Variants in ADGRD1 observed in about 807,000 individuals in gnomAD.
The protein encoded by ADGRD1 is adhesion G protein-coupled receptor D1.
Under a neutral mutation model 113.4 loss-of-function variants are expected in ADGRD1, and 77 were observed. That is an observed-to-expected ratio of 0.68 (90% CI 0.57 to 0.82). The LOEUF is 0.82. ADGRD1 is among the 40% of genes least tolerant of loss of function. The pLI is 0.00. For synonymous variants in ADGRD1, 474 were observed against 475.0 expected, an observed-to-expected ratio of 1.00 and a Z score of 0.03; for missense variants, 1,036 against 1,139.1, an observed-to-expected ratio of 0.91 and a Z score of 1.30.
rs1264053839 is a variant in ADGRD1, at chr12:131,139,423, G to A, written c.*160G>A. The A allele has an allele frequency of 6.5e-6, 4 of 618,350 alleles. No homozygotes were observed. The highest frequency in any genetic ancestry group is 3.6e-5 in the African/African-American group (2 of 55,080). 38.3% of individuals were successfully genotyped at this position (618,350 alleles called of 1,614,324 possible). Reference sequence around the variant, plus strand: ...TCCTCCCCTGTGACTCTGGCTGTCGGAGCACACTGCTCAGCCCAGCAGCCT... The same window carrying A: ...TCCTCCCCTGTGACTCTGGCTGTCGAAGCACACTGCTCAGCCCAGCAGCCT... On this transcript the variant is annotated 3_prime_UTR_variant, in exon 25 of 25. Transcript: ENST00000261654.
At chr12:131,138,066 GCA>G in intron 23 of ADGRD1, 69 bp from the exon 24 acceptor site, 1 of 1,279,364 alleles carries the variant, frequency 7.8e-7, no homozygotes, top group Non-Finnish European at 1.1e-6. Context: ...AGTTGCACCG[GCA>G]CAGACTCCTC....
chr12:130,977,393 G>A (rs1248098418), intron 4 of ADGRD1: 2 of 152,210 alleles, frequency 1.3e-5, no homozygotes, highest in Non-Finnish European at 2.9e-5. Flanking sequence ...GGTGTGGAGT[G>A]AGAATTTTAA....
At chr12:131,121,043 T>C in intron 20 of ADGRD1, 130 bp downstream of exon 20, 1 of 766,096 alleles carries the variant, frequency 1.3e-6, no homozygotes. Context: ...CCTCGGTCAC[T>C]CCTCGCTAGG....
chr12:131,101,955 A>C (rs1031865460), intron 15 of ADGRD1, among the ~76,000 whole-genome samples: 1 of 152,138 alleles, frequency 6.6e-6, no homozygotes, highest in Non-Finnish European at 1.5e-5. Flanking sequence ...CCACATCTCT[A>C]TTGCTGTCAT....
intron 13 of ADGRD1, among the ~76,000 whole-genome samples, chr12:131,016,875 A>G (rs1168237321): frequency 7.0e-6 from 1 of 142,696 alleles, no homozygotes; most frequent in Non-Finnish European, 1.5e-5. Flanking sequence ...CCTGGGCGAT[A>G]GAGTGAGACT....
intron 14 of ADGRD1, among the ~76,000 whole-genome samples, chr12:131,080,690 G>A (rs563280541): frequency 1.4e-4 from 22 of 152,108 alleles, no homozygotes; most frequent in Non-Finnish European, 2.5e-4. Context: ...GCATGGTCTC[G>A]GCTCACTGCA....
chr12:131,104,619 GGCACCGGACATGCAC>G (rs1272509287), intron 15 of ADGRD1, among the ~76,000 whole-genome samples, 197 bp from the exon 16 acceptor site: 4 of 152,072 alleles, frequency 2.6e-5, no homozygotes, highest in Non-Finnish European at 4.4e-5. Flanking sequence ...GGCACCTCGG[GGCACCGGACATGCAC>G]GCACAGAACC....
In ADGRD1 at chr12:130,987,302, G is replaced by A. The variant is rs750980141; in HGVS notation, c.698G>A (p.Arg233Gln). 27 of 1,614,038 alleles carry A rather than the reference G, an allele frequency of 1.7e-5. No homozygotes were observed. Among genetic ancestry groups the A allele is most frequent in the Non-Finnish European group, 2.2e-5 (26 of 1,180,024 alleles). ...GAFDEFIIWERALTPDEIAMY... is the reference protein window; with the variant it reads ...GAFDEFIIWEQALTPDEIAMY... ...TTCGATGAGTTCATCATCTGGGAGC[G>A]GGCTCTGACTCCGGATGAGATCGCC... Residue 233 changes from arginine (R) to glutamine (Q), a missense_variant, in exon 6 of 25, where the codon CGG becomes CAG. Arg to Gln is a conservative substitution (Grantham distance 43). Transcript: ENST00000261654.
intron 2 of ADGRD1, among the ~76,000 whole-genome samples, chr12:130,960,521 A>C (rs1204791923): frequency 6.6e-6 from 1 of 152,152 alleles, no homozygotes; most frequent in African/African-American, 2.4e-5. Flanking sequence ...TAAATACTAG[A>C]ATTATACAGA....
intron 15 of ADGRD1, among the ~76,000 whole-genome samples, chr12:131,085,444 G>A (rs7977210): frequency 0.49 from 74,582 of 151,894 alleles, 19,098 homozygotes; most frequent in Non-Finnish European, 0.58. Context: ...GAGCAGGCTC[G>A]GCTCCAGCAT....
At chr12:131,131,078 T>A (rs1950911037) in intron 20 of ADGRD1, among the ~76,000 whole-genome samples, 1 of 152,194 alleles carries the variant, frequency 6.6e-6, no homozygotes, top group South Asian at 2.1e-4. Flanking sequence ...ATGCTGTGCC[T>A]GCCTCGCCAG....
chr12:131,058,425 C>T (rs532532970), intron 13 of ADGRD1, among the ~76,000 whole-genome samples: 6 of 152,320 alleles, frequency 3.9e-5, no homozygotes, highest in African/African-American at 9.6e-5. Flanking sequence ...AAGGTACCAC[C>T]GTACACATTT....
chr12:131,121,256 AG>A (rs1308625723), intron 20 of ADGRD1, among the ~76,000 whole-genome samples: 2 of 152,176 alleles, frequency 1.3e-5, no homozygotes, highest in Non-Finnish European at 2.9e-5. Flanking sequence ...CTCCTTGCTC[AG>A]GAGTCACCAG....
At chr12:130,962,350 T>C (rs551502382) in intron 2 of ADGRD1, 1 of 152,368 alleles carries the variant, frequency 6.6e-6, no homozygotes, top group South Asian at 2.1e-4. Context: ...TCAGCCTTTC[T>C]GCCAGGACTG....
At chr12:130,967,207 C>T (rs371840077) in intron 3 of ADGRD1, 11 of 358,120 alleles carry the variant, frequency 3.1e-5, no homozygotes, top group East Asian at 7.5e-5. Flanking sequence ...ATTCAGCAAA[C>T]GCATCCCCAT....
In ADGRD1 at chr12:130,971,215, ATTAATATCAT is replaced by A; in HGVS notation, c.188-235_188-226del. On this transcript the variant is annotated intron_variant, in intron 3 of 24. Coordinates refer to ENST00000261654, the MANE Select transcript of ADGRD1 (RefSeq NM_198827.5). This position sits in a 1 kb window ranked among gnomAD's most constrained non-coding sequence, Gnocchi z 4.2. Reference sequence around the variant, plus strand: ...ATACATGCATATTATATACAAATACATTAATATCATTTAATATTAAATTTTTATCTGACAT... The same window carrying A: ...ATACATGCATATTATATACAAATACATTAATATTAAATTTTTATCTGACAT... 1 of 203,464 alleles carries A rather than the reference ATTAATATCAT, an allele frequency of 4.9e-6. No individual in the cohort carries two copies. 12.6% of individuals were successfully genotyped at this position (203,464 alleles called of 1,614,324 possible).
intron 13 of ADGRD1, among the ~76,000 whole-genome samples, chr12:131,018,626 G>C (rs1878932540): frequency 1.3e-5 from 2 of 152,176 alleles, no homozygotes; most frequent in African/African-American, 4.8e-5. Flanking sequence ...GTTATGACCG[G>C]TGCAAAATAA....
chr12:131,008,610 G>A (rs1877483518), intron 12 of ADGRD1, among the ~76,000 whole-genome samples: 3 of 152,192 alleles, frequency 2.0e-5, no homozygotes, highest in Admixed American at 2.0e-4. Flanking sequence ...CCCACGGCCC[G>A]GTGGGGGCTT....
intron 18 of ADGRD1, among the ~76,000 whole-genome samples, chr12:131,115,106 G>C (rs2137383263): frequency 6.6e-6 from 1 of 152,290 alleles, no homozygotes; most frequent in African/African-American, 2.4e-5. Flanking sequence ...ATCCGTCAGG[G>C]TAGGCGGGCA....
Sources: allele counts gnomAD v4.1 joint callset (sites outside exome capture counted in the v4.1 genomes callset), GRCh38; gene constraint gnomAD v4.1.1; non-coding constraint Gnocchi (gnomAD v3.1); transcripts MANE v1.5; gene names NCBI Gene and HGNC (gene_info 2026-07-23, HGNC 2026-07-21).